CDC14A: variants seen among roughly 807,000 people sequenced by gnomAD.
CDC14A encodes cell division cycle 14A, also known as dual specificity protein phosphatase CDC14A.
Under a neutral mutation model 74.4 loss-of-function variants are expected in CDC14A, and 53 were observed. The ratio of observed to expected loss-of-function variants is 0.71; its 90% confidence interval spans 0.57 to 0.89. The LOEUF (loss-of-function observed/expected upper bound fraction) is 0.89. Among genes scored for constraint, CDC14A ranks in the 40% least tolerant of loss-of-function variants. The probability of loss-of-function intolerance (pLI) is 0.00; values close to 1 mark genes in which losing one functional copy is unlikely to be tolerated. For missense variants in CDC14A, 646 were observed against 713.7 expected, an observed-to-expected ratio of 0.91 and a Z score of 1.08; for synonymous variants, 247 against 258.4, an observed-to-expected ratio of 0.96 and a Z score of 0.43.
chr1:100,407,299 C>A (rs1212689200), intron 4 of CDC14A, among the ~76,000 whole-genome samples: 2 of 152,032 alleles, frequency 1.3e-5, no homozygotes, highest in African/African-American at 4.8e-5. Flanking sequence ...GGCAGTATGG[C>A]CATTTTCACG....
chr1:100,364,084 A>G lies in CDC14A; in HGVS notation c.140+10232A>G, dbSNP rs1237824510. 3.9e-5 allele frequency among the ~76,000 whole-genome samples: 6 copies of G among 152,288 alleles called. No individual in the cohort carries two copies. In the South Asian group the frequency reaches 8.3e-4, roughly 21 times the overall value. On this transcript the variant is annotated intron_variant, in intron 2 of 15. Coordinates refer to ENST00000336454, the MANE Select transcript of CDC14A (RefSeq NM_003672.4). ...GTCGAGGCTTCAGTGAACCATGAGC[A>G]TGCCACAGCACTCAGCCTAGGTGGC...
chr1:100,484,180 GCTTATTTGCTAAATCTTTTC>G, intron 10 of CDC14A, 92 bp from the exon 11 acceptor site: 1 of 549,934 alleles, frequency 1.8e-6, no homozygotes, highest in African/African-American at 2.0e-5. Flanking sequence ...ATTTGTAAAT[GCTTATTTGCTAAATCTTTTC>G]CTTTATAAGA....
chr1:100,445,138 TATA>T (rs1665393251), intron 7 of CDC14A, among the ~76,000 whole-genome samples: 1 of 152,228 alleles, frequency 6.6e-6, no homozygotes, highest in Non-Finnish European at 1.5e-5. Context: ...GAATGATTTC[TATA>T]ATGTTTGTTG....
At chr1:100,358,604 C>T (rs1652243623) in intron 2 of CDC14A, among the ~76,000 whole-genome samples, 1 of 152,180 alleles carries the variant, frequency 6.6e-6, no homozygotes, top group Admixed American at 6.5e-5. Flanking sequence ...AAGAATTTCA[C>T]CAAATGTTTT....
intron 5 of CDC14A, among the ~76,000 whole-genome samples, chr1:100,432,191 G>A (rs1352298292): frequency 6.6e-6 from 1 of 152,178 alleles, no homozygotes; most frequent in Non-Finnish European, 1.5e-5. Flanking sequence ...ATGGGAGATG[G>A]TTTTGTCCTC....
intron 3 of CDC14A, among the ~76,000 whole-genome samples, chr1:100,388,539 G>A (rs1448510497): frequency 6.6e-6 from 1 of 152,128 alleles, no homozygotes; most frequent in Admixed American, 6.5e-5. Context: ...GTATAAACCT[G>A]TCAGGAAATA....
intron 7 of CDC14A, among the ~76,000 whole-genome samples, chr1:100,452,515 TA>T (rs1666249753): frequency 1.3e-5 from 2 of 151,960 alleles, no homozygotes; most frequent in Middle Eastern, 3.4e-3. Context: ...CATCTCCAGA[TA>T]AAAAAAAGGA....
intron 10 of CDC14A, among the ~76,000 whole-genome samples, chr1:100,473,304 A>AT (rs60488990): frequency 0.057 from 8,576 of 150,096 alleles, 804 homozygotes; most frequent in African/African-American, 0.2. Flanking sequence ...CTAAGTACTT[A>AT]TTTTTTTTTA....
intron 7 of CDC14A, among the ~76,000 whole-genome samples, chr1:100,446,042 G>T (rs1249759526): frequency 6.6e-6 from 1 of 152,146 alleles, no homozygotes; most frequent in African/African-American, 2.4e-5. Context: ...TGTTTGCCCT[G>T]TTCTAGTGAG....
At chr1:100,507,797 A>T (rs746510897) in intron 15 of CDC14A, among the ~76,000 whole-genome samples, 8 of 152,066 alleles carry the variant, frequency 5.3e-5, no homozygotes, top group Non-Finnish European at 7.4e-5. Context: ...CTCCTGCCTC[A>T]GCTTTCTGAG....
intron 4 of CDC14A, chr1:100,393,487 C>T (rs1412203597): frequency 9.1e-6 from 7 of 769,480 alleles, no homozygotes; most frequent in East Asian, 2.4e-5. Context: ...TGTCGAGCAG[C>T]CAGTCTCTCA....
chr1:100,455,470 T>A lies in CDC14A; in HGVS notation c.585T>A (p.His195Gln). The change falls in exon 8 of 16, where the codon CAT (histidine) becomes CAA (glutamine). Residue 195 changes from histidine (H) to glutamine (Q), a missense_variant. Coordinates refer to ENST00000336454, the MANE Select transcript of CDC14A (RefSeq NM_003672.4). ...AATTTTTAGCATTTAGTGGACCACA[T>A]CCTAAAAGCAAAATTGAGAATGGTA... ...PGKFLAFSGPHPKSKIENGYP... is the reference protein window; with the variant it reads ...PGKFLAFSGPQPKSKIENGYP... 2 of 1,591,688 alleles carry A rather than the reference T, an allele frequency of 1.3e-6. No homozygotes were observed. Among genetic ancestry groups the A allele is most frequent in the African/African-American group, 2.7e-5 (2 of 73,986 alleles).
chr1:100,421,066 A>G (rs1199493153), intron 4 of CDC14A, among the ~76,000 whole-genome samples: 1 of 152,170 alleles, frequency 6.6e-6, no homozygotes, highest in African/African-American at 2.4e-5. Context: ...CAATTTTATC[A>G]AAGTCGTGCA....
At chr1:100,492,303 A>G (rs1221855043) in intron 11 of CDC14A, among the ~76,000 whole-genome samples, 2 of 152,242 alleles carry the variant, frequency 1.3e-5, no homozygotes, top group Admixed American at 6.5e-5. Context: ...AATTCTAGCA[A>G]CAAAAAATAT....
rs59145693 is a variant in CDC14A, at chr1:100,469,964, G to A, written c.977+1870G>A. Reference sequence around the variant, plus strand: ...TATAGATACTTAAGCTGTATATAAAGAACTCTCAAAACTCAAGAAAACAAC... The same window carrying A: ...TATAGATACTTAAGCTGTATATAAAAAACTCTCAAAACTCAAGAAAACAAC... On this transcript the variant is annotated intron_variant, in intron 10 of 15. Transcript: ENST00000336454. Among the ~76,000 whole-genome samples, 13 of 152,216 alleles carry A rather than the reference G, an allele frequency of 8.5e-5. No homozygotes were observed. The South Asian group carries it at 2.7e-3, about 32-fold the overall frequency.
chr1:100,466,922 C>T (rs1213491923), intron 9 of CDC14A, among the ~76,000 whole-genome samples: 1 of 147,894 alleles, frequency 6.8e-6, no homozygotes, highest in Non-Finnish European at 1.5e-5. Context: ...TGTCAGGCAT[C>T]TGTAGACACA....
At chr1:100,422,945 C>A (rs1051240390) in intron 4 of CDC14A, among the ~76,000 whole-genome samples, 1 of 152,224 alleles carries the variant, frequency 6.6e-6, no homozygotes, top group Middle Eastern at 3.4e-3. Context: ...AGAACCAAGA[C>A]TCTGCCATTC....
chr1:100,481,676 T>G (rs1669490947), intron 10 of CDC14A, among the ~76,000 whole-genome samples: 1 of 152,198 alleles, frequency 6.6e-6, no homozygotes, highest in African/African-American at 2.4e-5. Flanking sequence ...GCACTGGCTA[T>G]ACTTCTTAAG....
At chr1:100,488,241 G>T (rs886310215) in intron 11 of CDC14A, among the ~76,000 whole-genome samples, 4 of 152,100 alleles carry the variant, frequency 2.6e-5, no homozygotes, top group Non-Finnish European at 5.9e-5. Context: ...AACTGTTTTA[G>T]GCACTTGACA....
Sources: gnomAD v4.1 joint callset for allele counts (sites outside exome capture counted in the v4.1 genomes callset) on GRCh38, gnomAD v4.1.1 for gene constraint, MANE v1.5 for transcripts, NCBI Gene and HGNC (gene_info 2026-07-23, HGNC 2026-07-21) for gene names.